Variants in ALCAM observed in about 807,000 individuals in gnomAD.
ALCAM encodes CD166 antigen.
Under a neutral mutation model 70.9 loss-of-function variants are expected in ALCAM, and 30 were observed. The ratio of observed to expected loss-of-function variants is 0.42; its 90% CI spans 0.32 to 0.57. The LOEUF is 0.57. Ranked by LOEUF, ALCAM falls within the 20% of genes least tolerant of loss-of-function variation. The pLI, the probability that ALCAM is intolerant of heterozygous loss-of-function variation, is 0.11. For synonymous variants in ALCAM, 249 were observed against 242.5 expected, an observed-to-expected ratio of 1.03 and a Z score of -0.25; for missense variants, 591 against 695.1, an observed-to-expected ratio of 0.85 and a Z score of 1.68.
chr3:105,524,666 A>G (rs1030509361), intron 3 of ALCAM, 158 bp downstream of exon 3: 6 of 1,342,502 alleles, frequency 4.5e-6, no homozygotes, highest in African/African-American at 1.5e-5. Context: ...ATATACTATC[A>G]GCAAAGAAAA....
In ALCAM at chr3:105,397,460, A is replaced by G. The variant is rs1191642289; in HGVS notation, c.73+29979A>G. Among the ~76,000 whole-genome samples, 3 of 151,996 alleles carry G rather than the reference A, an allele frequency of 2.0e-5. No homozygotes were observed. The East Asian group carries it at 5.8e-4, about 29-fold the overall frequency. ...TTTAAATGGGTGACTAAATTTAAAA[A>G]ATAATTTATACCAAGTATAGAGATA... On this transcript the variant is annotated intron_variant, in intron 1 of 15. Transcript: ENST00000306107.
At chr3:105,456,712 G>A (rs1032081308) in intron 1 of ALCAM, among the ~76,000 whole-genome samples, 2 of 152,040 alleles carry the variant, frequency 1.3e-5, no homozygotes, top group Non-Finnish European at 2.9e-5. Flanking sequence ...GCCCAAAATG[G>A]CATGATTAAA....
At chr3:105,426,705 G>A (rs1936798752) in intron 1 of ALCAM, among the ~76,000 whole-genome samples, 1 of 151,670 alleles carries the variant, frequency 6.6e-6, no homozygotes, top group African/African-American at 2.4e-5. Flanking sequence ...GAAAAGCAAC[G>A]AACTTGCTTT....
At chr3:105,392,555 G>GT (rs989468239) in intron 1 of ALCAM, among the ~76,000 whole-genome samples, 1 of 151,074 alleles carries the variant, frequency 6.6e-6, no homozygotes, top group African/African-American at 2.4e-5. Flanking sequence ...TTTTTGAAGG[G>GT]TTTTTTTATG....
intron 1 of ALCAM, among the ~76,000 whole-genome samples, chr3:105,452,976 T>G (rs1937471674): frequency 6.6e-6 from 1 of 152,214 alleles, no homozygotes; most frequent in Non-Finnish European, 1.5e-5. Flanking sequence ...ATATTAGACC[T>G]TTGTCAGGTG....
chr3:105,381,391 A>G (rs773416071), intron 1 of ALCAM, among the ~76,000 whole-genome samples: 10 of 151,932 alleles, frequency 6.6e-5, no homozygotes, highest in Non-Finnish European at 1.5e-4. Context: ...AGAGAATCTG[A>G]ATGAGAGTGA....
At chr3:105,547,544 T>C (rs371293218) in intron 11 of ALCAM, 21 bp downstream of exon 11, 15 of 1,603,964 alleles carry the variant, frequency 9.4e-6, no homozygotes, top group Non-Finnish European at 1.3e-5. Context: ...GTCTTCTTGT[T>C]ATATGCTGCA....
intron 2 of ALCAM, among the ~76,000 whole-genome samples, chr3:105,523,260 T>A (rs1227273072): frequency 1.3e-5 from 2 of 150,614 alleles, no homozygotes; most frequent in Non-Finnish European, 3.0e-5. Flanking sequence ...AAGGTAGTGG[T>A]CTAACATACT....
intron 1 of ALCAM, among the ~76,000 whole-genome samples, chr3:105,393,854 A>G (rs1935883682): frequency 6.6e-6 from 1 of 151,826 alleles, no homozygotes; most frequent in Non-Finnish European, 1.5e-5. Context: ...AATAAATACA[A>G]AAAGCCCTAT....
intron 1 of ALCAM, among the ~76,000 whole-genome samples, chr3:105,368,249 G>GAGAGAGAGAGAGAC (rs1935127403): frequency 6.6e-6 from 1 of 150,820 alleles, no homozygotes; most frequent in Non-Finnish European, 1.5e-5. Context: ...GAGAGAGAGA[G>GAGAGAGAGAGAGAC]AGAGAGAGAG....
intron 1 of ALCAM, among the ~76,000 whole-genome samples, chr3:105,482,635 C>T (rs1432225496): frequency 6.6e-6 from 1 of 152,074 alleles, no homozygotes; most frequent in Admixed American, 6.6e-5. Context: ...ACACACCACA[C>T]AAGAAGGGTA....
intron 1 of ALCAM, among the ~76,000 whole-genome samples, chr3:105,428,704 AGTT>A (rs1936856504): frequency 6.6e-6 from 1 of 151,978 alleles, no homozygotes; most frequent in Non-Finnish European, 1.5e-5. Context: ...GAAACATGGT[AGTT>A]GTTGTGTGAA....
chr3:105,561,600 G>C (rs550289676), intron 14 of ALCAM, among the ~76,000 whole-genome samples: 49 of 152,170 alleles, frequency 3.2e-4, no homozygotes, highest in Admixed American at 1.1e-3. Context: ...CACCTGCAAG[G>C]AGTTAGGGTC....
intron 1 of ALCAM, among the ~76,000 whole-genome samples, chr3:105,465,689 TCTC>T (rs1399844729): frequency 5.3e-5 from 8 of 151,576 alleles, no homozygotes; most frequent in Non-Finnish European, 1.2e-4. Flanking sequence ...ATGTTTTACT[TCTC>T]CTCCTACTGG....
rs1390651533 is a variant in ALCAM, at chr3:105,547,484, T to C, written c.1335T>C (p.Ile445=). ...CHVEGFPKPA[I]QWTITGSGSV... is the part of the protein sequence containing the mutation. ...TGGAAGGTTTTCCAAAGCCAGCCAT[T>C]CAATGGACAATTACTGGCAGTGGAA... Residue 445 remains isoleucine, a synonymous_variant, in exon 11 of 16, where the codon ATT becomes ATC. Transcript: ENST00000306107. The C allele has an allele frequency of 6.2e-7, 1 of 1,610,676 alleles. No individual in the cohort carries two copies. The highest frequency in any genetic ancestry group is 8.5e-7 in the Non-Finnish European group (1 of 1,177,700).
chr3:105,382,593 C>T (rs1051697282), intron 1 of ALCAM, among the ~76,000 whole-genome samples: 29 of 152,128 alleles, frequency 1.9e-4, no homozygotes, highest in Non-Finnish European at 3.2e-4. Context: ...ACATCCTCTC[C>T]AGCACCTGTT....
intron 8 of ALCAM, among the ~76,000 whole-genome samples, chr3:105,543,675 G>T (rs757132739): frequency 1.1e-4 from 17 of 151,570 alleles, no homozygotes; most frequent in Non-Finnish European, 1.9e-4. Context: ...GCCAATATAT[G>T]CACACATAGA....
chr3:105,566,484 C>A (rs2152635235), intron 14 of ALCAM, among the ~76,000 whole-genome samples: 1 of 152,206 alleles, frequency 6.6e-6, no homozygotes, highest in African/African-American at 2.4e-5. Flanking sequence ...TGTAAGACCA[C>A]CTCCCTATCT....
chr3:105,552,028 C>A, intron 12 of ALCAM, 116 bp from the exon 13 acceptor site: 2 of 615,606 alleles, frequency 3.2e-6, no homozygotes, highest in Non-Finnish European at 5.3e-6. Context: ...TTACTGTTAG[C>A]TATAGAATAG....
Sources: gnomAD v4.1 joint callset for allele counts (sites outside exome capture counted in the v4.1 genomes callset) on GRCh38, gnomAD v4.1.1 for gene constraint, MANE v1.5 for transcripts, NCBI Gene and HGNC (gene_info 2026-07-23, HGNC 2026-07-21) for gene names.